Variants in SENP3 observed in about 807,000 individuals in gnomAD.
The protein encoded by SENP3 is sentrin-specific protease 3.
In SENP3, 11 loss-of-function variants were observed where a neutral mutation model predicts 66.2. The ratio of observed to expected loss-of-function variants is 0.17; its 90% CI spans 0.10 to 0.28. The LOEUF (loss-of-function observed/expected upper bound fraction) is 0.28. SENP3 is among the 10% of genes least tolerant of loss of function. The probability of loss-of-function intolerance (pLI) is 1.00; values close to 1 mark genes in which losing one functional copy is unlikely to be tolerated. For missense variants in SENP3, 548 were observed against 743.7 expected (o/e 0.74, Z 3.06); for synonymous variants, 292 against 277.6 (o/e 1.05, Z -0.52).
At position 7,565,749 on chromosome 17, in the gene SENP3, C is replaced by T. The variant is rs762250870; in HGVS notation, c.1248C>T (p.Asp416=). Residue 416 remains aspartate, a synonymous_variant, in exon 6 of 11, where the codon GAC becomes GAT. Coordinates refer to ENST00000321337, the MANE Select transcript of SENP3 (RefSeq NM_015670.6). ...ACATGTATGGAGACCTGGTCATGGA[C>T]ACAGTCCCTGAAAAGGTAGGCCCAA... The part of the protein sequence containing the change: ...VMNMYGDLVM[D]TVPEKVHFFN... The T allele has an allele frequency of 1.2e-6, 2 of 1,613,980 alleles. No homozygotes were observed. Among genetic ancestry groups the T allele is most frequent in the Non-Finnish European group, 1.7e-6 (2 of 1,179,872 alleles).
chr17:7,570,990 CG>C lies in SENP3; in HGVS notation c.1614+60del, dbSNP rs1488571020. ...TCTGAAGTCAGTTGGGTTAAAGGGT[CG>C]GGAGGCTGTTATGCATCCCCTCATT... is the stretch of plus-strand genomic sequence containing the variant. On this transcript the variant is annotated intron_variant, in intron 10 of 10. Transcript: ENST00000321337. This position sits in a 1 kb window ranked among gnomAD's most constrained non-coding sequence, Gnocchi z 5.4. The C allele has an allele frequency of 2.0e-6, 3 of 1,508,466 alleles. No homozygotes were observed. Among genetic ancestry groups the C allele is most frequent in the Non-Finnish European group, 1.8e-6 (2 of 1,097,444 alleles). The allele number at this position is 1,508,466 out of a possible 1,614,324, so 93.4% of individuals were successfully genotyped here. A position where few individuals can be genotyped will look rare whatever the true frequency, so the allele number is the denominator to read the frequency against.
chr17:7,571,894 T>A lies in SENP3; in HGVS notation c.*411T>A, dbSNP rs1305826515. Reference sequence around the variant, plus strand: ...ATATATATATATATATATATATATATATATATATATATATAAAAATATATA... The same window carrying A: ...ATATATATATATATATATATATATAAATATATATATATATAAAAATATATA... On this transcript the variant is annotated 3_prime_UTR_variant, in exon 11 of 11. Transcript: ENST00000321337. The A allele has an allele frequency of 0.015, 161 of 10,954 alleles. 10 individuals are homozygous for A. The highest frequency in any genetic ancestry group is 0.019 in the Non-Finnish European group (88 of 4,602). The allele number at this position is 10,954 out of a possible 1,614,324, so 0.7% of individuals were successfully genotyped here. A position where few individuals can be genotyped will look rare whatever the true frequency, so the allele number is the denominator to read the frequency against.
At chr17:7,565,165 G>T in intron 4 of SENP3, 95 bp downstream of exon 4, 1 of 1,019,560 alleles carries the variant, frequency 9.8e-7, no homozygotes, top group Non-Finnish European at 1.5e-6. Flanking sequence ...TGTAGTTGGG[G>T]AGGAGGAAGC....
chr17:7,567,688 G>T (rs1350252384), intron 7 of SENP3, among the ~76,000 whole-genome samples: 1 of 152,194 alleles, frequency 6.6e-6, no homozygotes, highest in Non-Finnish European at 1.5e-5. Flanking sequence ...CATGGCTGAG[G>T]AACAGAGGGC....
At position 7,565,297 on chromosome 17, in the gene SENP3, G is replaced by A. The variant is rs1347934110; in HGVS notation, c.1068-143G>A. 4.1e-6 allele frequency: 4 copies of A among 969,378 alleles called. No homozygotes were observed. The Admixed American group carries it at 9.2e-5, about 22-fold the overall frequency. The allele number at this position is 969,378 out of a possible 1,614,324, so 60.0% of individuals were successfully genotyped here. On this transcript the variant is annotated intron_variant, in intron 4 of 10. Coordinates refer to ENST00000321337, the MANE Select transcript of SENP3 (RefSeq NM_015670.6). ...GTCATGTTTATCTTTCTGGGGAGTG[G>A]GCCTTTCGCAGGTCCTCAGAAGGAC...
intron 7 of SENP3, among the ~76,000 whole-genome samples, chr17:7,568,099 A>G (rs2071281932): frequency 6.6e-6 from 1 of 150,836 alleles, no homozygotes; most frequent in Admixed American, 6.6e-5. Context: ...CAACTTCTAA[A>G]ATCCTTGGAA....
intron 6 of SENP3, 46 bp from the exon 7 acceptor site, chr17:7,566,881 C>A (rs1222903863): frequency 2.2e-6 from 3 of 1,346,536 alleles, no homozygotes; most frequent in East Asian, 5.0e-5. Flanking sequence ...GTGGGAGAGT[C>A]TGAGGTCTTT....
Position 7,570,778 on chromosome 17 carries a change from G to C in SENP3, c.1563+14G>C, listed in dbSNP as rs771993709. ...TACTTCAAAATGGTGAGTTTCCTGA[G>C]GGAGGGGTATAGGGTGTTGGTGGGG... On this transcript the variant is annotated intron_variant, in intron 9 of 10. Transcript: ENST00000321337. The surrounding 1 kb of genome is among the most constrained non-coding windows in gnomAD (Gnocchi z 5.4). The C allele has an allele frequency of 1.9e-6, 3 of 1,608,686 alleles. No homozygotes were observed. In the East Asian group the frequency reaches 6.7e-5, roughly 36 times the overall value.
At chr17:7,563,914 C>T (rs1040606482) in intron 2 of SENP3, 123 bp downstream of exon 2, 9 of 843,590 alleles carry the variant, frequency 1.1e-5, no homozygotes, top group Admixed American at 3.1e-5. Context: ...GGAAGAGTGC[C>T]GGCTCCAGAA....
At chr17:7,564,487 TG>T in intron 2 of SENP3, 137 bp from the exon 3 acceptor site, 2 of 1,251,310 alleles carry the variant, frequency 1.6e-6, no homozygotes, top group Non-Finnish European at 2.3e-6. Flanking sequence ...TTTCTTGGAG[TG>T]GGATTGACAT....
rs1403854581 is a variant in SENP3, at chr17:7,571,534, TCC to T, written c.*53_*54del. ...ATAAATGGGAAGGGAGACATGGGAG[TCC>T]CTTCCCAAGAAACTCCAGTTCCTTT... On this transcript the variant is annotated 3_prime_UTR_variant, in exon 11 of 11. Coordinates refer to ENST00000321337, the MANE Select transcript of SENP3 (RefSeq NM_015670.6). 12 of 1,320,126 alleles carry T rather than the reference TCC, an allele frequency of 9.1e-6. No homozygotes were observed. The highest frequency in any genetic ancestry group is 1.7e-5 in the Admixed American group (1 of 57,718). The allele number at this position is 1,320,126 out of a possible 1,614,324, so 81.8% of individuals were successfully genotyped here.
rs147458538 is a variant in SENP3, at chr17:7,563,556, C to T, written c.480C>T (p.Gly160=). 6.8e-3 allele frequency: 10,547 copies of T among 1,549,972 alleles called. 45 individuals are homozygous for T. Among genetic ancestry groups the T allele is most frequent in the Non-Finnish European group, 8.6e-3 (9,814 of 1,147,482 alleles). ...LWGRHRGRRR[G]LAHPKNHLSP... is the part of the protein sequence containing the mutation. The stretch of plus-strand genomic sequence containing the variant: ...GGCGCCACCGGGGCCGGCGGCGGGG[C>T]CTCGCACACCCCAAGAACCATCTTT... The change falls in exon 2 of 11, where the codon GGC becomes GGT. Residue 160 remains glycine (G), a synonymous_variant. Transcript: ENST00000321337.
In SENP3 at chr17:7,571,855, A is replaced by T. The variant is rs1288774972; in HGVS notation, c.*372A>T. On this transcript the variant is annotated 3_prime_UTR_variant, in exon 11 of 11. Coordinates refer to ENST00000321337, the MANE Select transcript of SENP3 (RefSeq NM_015670.6). ...CAAACTTTTATATATATATATATAT[A>T]TATATATATATATATATATATATAT... The T allele has an allele frequency of 1.1e-3, 3 of 2,770 alleles. No individual in the cohort carries two copies. Among genetic ancestry groups the T allele is most frequent in the Non-Finnish European group, 1.5e-3 (2 of 1,338 alleles). 0.2% of individuals were successfully genotyped at this position (2,770 alleles called of 1,614,324 possible).
In SENP3 at chr17:7,565,511, G is replaced by C; in HGVS notation, c.1139G>C (p.Arg380Pro). 1 of 1,613,854 alleles carries C rather than the reference G, an allele frequency of 6.2e-7. No individual in the cohort carries two copies. The highest frequency in any genetic ancestry group is 8.5e-7 in the Non-Finnish European group (1 of 1,179,822). Residue 380 changes from arginine to proline, a missense_variant, in exon 5 of 11, where the codon CGA (arginine) becomes CCA (proline). Arg to Pro is a moderately radical substitution (Grantham distance 103). Transcript: ENST00000321337. Reference protein sequence around the residue: ...MPGNAMVRGFRVAYKRHVLTM... With the variant: ...MPGNAMVRGFPVAYKRHVLTM... ...GGCAATGCCATGGTGAGGGGCTTCC[G>C]AGTGGCTTATAAGCGGCACGTGCTG...
At chr17:7,567,468 G>A (rs1424338618) in intron 7 of SENP3, among the ~76,000 whole-genome samples, 16 of 151,266 alleles carry the variant, frequency 1.1e-4, no homozygotes, top group Non-Finnish European at 1.9e-4. Context: ...GCAGTGAGCC[G>A]AGACCCCGCC....
Position 7,565,014 on chromosome 17 carries a change from T to C in SENP3, c.1011T>C (p.Asp337=). 6.2e-7 allele frequency: 1 copy of C among 1,613,694 alleles called. No individual in the cohort carries two copies. The highest frequency in any genetic ancestry group is 8.5e-7 in the Non-Finnish European group (1 of 1,179,674). Residue 337 remains aspartate (D), a synonymous_variant, in exon 4 of 11, where the codon GAT becomes GAC. Transcript: ENST00000321337. ...TYGSLIPLST[D]EVVEKLEDIF... ...GCAGCCTCATACCCCTCAGCACTGA[T>C]GAGGTAGTAGAGAAGCTGGAGGACA...
intron 6 of SENP3, among the ~76,000 whole-genome samples, chr17:7,566,285 G>T (rs1407114489): frequency 6.6e-6 from 1 of 150,862 alleles, no homozygotes; most frequent in African/African-American, 2.4e-5. Context: ...AGGTTGCGGT[G>T]AGTCGAGATC....
rs1457469868 is a variant in SENP3 at position 7,562,229 on chromosome 17, CCTTCGGGCCCGTCCGCCCGG to C, written c.-41_-22del. On this transcript the variant is annotated 5_prime_UTR_variant, in exon 1 of 11. Coordinates refer to ENST00000321337, the MANE Select transcript of SENP3 (RefSeq NM_015670.6). The surrounding 1 kb of genome is among the most constrained non-coding windows in gnomAD (Gnocchi z 5.0). ...GGAAGCTTGAGGCCGGAGACGCCCG[CCTTCGGGCCCGTCCGCCCGG>C]CTTCCCCGCTCCCGGTGAGGACGCC... 4 of 398,468 alleles carry C rather than the reference CCTTCGGGCCCGTCCGCCCGG, an allele frequency of 1.0e-5. No homozygotes were observed. Among genetic ancestry groups the C allele is most frequent in the African/African-American group, 4.1e-5 (2 of 48,626 alleles). 24.7% of individuals were successfully genotyped at this position (398,468 alleles called of 1,614,324 possible).
In SENP3 at chr17:7,571,424, AT is replaced by A; in HGVS notation, c.1667del (p.Met556SerfsTer128). On this transcript the variant is annotated frameshift_variant, in exon 11 of 11. Coordinates refer to ENST00000321337, the MANE Select transcript of SENP3 (RefSeq NM_015670.6). LOFTEE classifies it high-confidence loss of function. ...GCCATTCAGCTTCACCCAGCAGGAC[AT>A]GCCCAAACTTCGTCGGCAGATCTAC... is the stretch of plus-strand genomic sequence containing the variant. ...SQPFSFTQQD[M>X]PKLRRQIYKE... is the part of the protein sequence containing the mutation. The A allele has an allele frequency of 6.2e-7, 1 of 1,608,296 alleles. No individual in the cohort carries two copies. Among genetic ancestry groups the A allele is most frequent in the Non-Finnish European group, 8.5e-7 (1 of 1,177,122 alleles).
Sources: allele counts gnomAD v4.1 joint callset (sites outside exome capture counted in the v4.1 genomes callset), GRCh38; gene constraint gnomAD v4.1.1; non-coding constraint Gnocchi (gnomAD v3.1); transcripts MANE v1.5; gene names NCBI Gene and HGNC (gene_info 2026-07-23, HGNC 2026-07-21).